ADAMTSL1: variants seen among roughly 807,000 people sequenced by gnomAD.
ADAMTSL1 encodes the protein ADAMTS like 1, also known as ADAMTS-like protein 1.
A neutral mutation model predicts 201.8 loss-of-function variants in ADAMTSL1; 126 were observed. That is an observed-to-expected ratio of 0.62 (90% CI 0.54 to 0.72). The LOEUF is 0.72. ADAMTSL1 is among the 30% of genes least tolerant of loss of function. The pLI is 0.00. For missense variants in ADAMTSL1, 2,679 were observed against 2,277.8 expected (o/e 1.18, Z -3.59); for synonymous variants, 1,121 against 903.4 (o/e 1.24, Z -4.32).
chr9:18,049,619 C>CTTT (rs61679017), intron 1 of ADAMTSL1, among the ~76,000 whole-genome samples: 5 of 143,732 alleles, frequency 3.5e-5, no homozygotes, highest in African/African-American at 2.6e-5. Context: ...ACTTCTTATT[C>CTTT]TTTTTTTTTT....
intron 1 of ADAMTSL1, among the ~76,000 whole-genome samples, chr9:17,964,437 C>T (rs1274148269): frequency 3.3e-5 from 5 of 152,024 alleles, no homozygotes; most frequent in Admixed American, 6.6e-5. Context: ...TAGTGGTAGC[C>T]AGGGGTTAGG....
At chr9:18,703,215 G>A (rs1439461098) in intron 13 of ADAMTSL1, among the ~76,000 whole-genome samples, 2 of 152,062 alleles carry the variant, frequency 1.3e-5, no homozygotes, top group Non-Finnish European at 2.9e-5. Context: ...TTCGAGATGA[G>A]ACTTCTAAAC....
chr9:18,844,335 G>A (rs568321472), intron 23 of ADAMTSL1, among the ~76,000 whole-genome samples: 71 of 152,318 alleles, frequency 4.7e-4, no homozygotes, highest in African/African-American at 1.6e-3. Context: ...CAGCAGCGGT[G>A]GCTGCAGAAC....
intron 23 of ADAMTSL1, among the ~76,000 whole-genome samples, chr9:18,847,485 A>G (rs991462298): frequency 1.3e-5 from 2 of 152,264 alleles, no homozygotes; most frequent in Admixed American, 1.3e-4. Context: ...ATCATATGGT[A>G]GAAGTAATAA....
intron 2 of ADAMTSL1, among the ~76,000 whole-genome samples, chr9:18,180,731 A>C (rs902038165): frequency 7.2e-5 from 11 of 152,136 alleles, no homozygotes; most frequent in African/African-American, 2.7e-4. Context: ...TACAGATTCA[A>C]TGCCATCCCC....
intron 5 of ADAMTSL1, among the ~76,000 whole-genome samples, chr9:18,630,562 T>C (rs1826693777): frequency 6.6e-6 from 1 of 152,180 alleles, no homozygotes; most frequent in Admixed American, 6.6e-5. Flanking sequence ...CTACAGGTCT[T>C]CATACTTCCA....
chr9:18,285,217 C>T lies in ADAMTSL1; in HGVS notation c.207+121236C>T, dbSNP rs149746411. 8.9e-4 allele frequency among the ~76,000 whole-genome samples: 135 copies of T among 152,228 alleles called. 1 individual carries two copies. The highest frequency in any genetic ancestry group is 3.2e-3 in the African/African-American group (131 of 41,542). ...CTTTGTACTACATATTTTATGATAT[C>T]ATATATGCCAATTTTATAGTAAGGA... On this transcript the variant is annotated intron_variant, in intron 2 of 29. Transcript: ENST00000680146.
chr9:18,347,905 C>T (rs1563903156), intron 2 of ADAMTSL1, among the ~76,000 whole-genome samples: 1 of 152,074 alleles, frequency 6.6e-6, no homozygotes, highest in Non-Finnish European at 1.5e-5. Flanking sequence ...GTGCCAAGGG[C>T]CTTGTGTTTC....
chr9:18,251,214 G>A (rs1478408136), intron 2 of ADAMTSL1, among the ~76,000 whole-genome samples: 1 of 152,150 alleles, frequency 6.6e-6, no homozygotes, highest in African/African-American at 2.4e-5. Context: ...ACAGAAAACA[G>A]ACTTGGAAGA....
At chr9:18,030,456 A>G (rs144098401) in intron 1 of ADAMTSL1, among the ~76,000 whole-genome samples, 2 of 152,136 alleles carry the variant, frequency 1.3e-5, no homozygotes, top group East Asian at 1.9e-4. Context: ...ATGTTAAATG[A>G]TGAGTTAATG....
chr9:18,067,826 G>T (rs1469116297), intron 1 of ADAMTSL1, among the ~76,000 whole-genome samples: 1 of 152,024 alleles, frequency 6.6e-6, no homozygotes, highest in Non-Finnish European at 1.5e-5. Flanking sequence ...AAGACTTAAG[G>T]GTGATTTAAT....
chr9:18,080,882 T>C (rs1209169864), intron 1 of ADAMTSL1, among the ~76,000 whole-genome samples: 2 of 152,192 alleles, frequency 1.3e-5, no homozygotes, highest in African/African-American at 4.8e-5. Flanking sequence ...AGAAAAAGCC[T>C]CTCATTATTT....
At chr9:18,753,809 A>G (rs183242611) in intron 16 of ADAMTSL1, among the ~76,000 whole-genome samples, 9 of 152,354 alleles carry the variant, frequency 5.9e-5, no homozygotes, top group South Asian at 4.1e-4. Flanking sequence ...TTTTAAAATC[A>G]AGACAATGTG....
intron 2 of ADAMTSL1, among the ~76,000 whole-genome samples, chr9:18,301,588 G>T (rs373751678): frequency 1.3e-5 from 2 of 152,180 alleles, no homozygotes; most frequent in African/African-American, 4.8e-5. Context: ...TATAATAAAA[G>T]TCATGTGAAT....
In ADAMTSL1 at chr9:18,622,230, T is replaced by G; in HGVS notation, c.475-13T>G. The stretch of plus-strand genomic sequence containing the variant: ...GGTGCTTGGTTGAATTACACATCTC[T>G]CTTTCTTGTTAGATTGTTGGCTGCG... On this transcript the variant is annotated splice_polypyrimidine_tract_variant and intron_variant, in intron 4 of 28. Transcript: ENST00000380548. 2 of 1,613,182 alleles carry G rather than the reference T, an allele frequency of 1.2e-6. No individual in the cohort carries two copies. Among genetic ancestry groups the G allele is most frequent in the Non-Finnish European group, 1.7e-6 (2 of 1,179,522 alleles).
chr9:18,775,116 C>G (rs1358527835), intron 17 of ADAMTSL1, among the ~76,000 whole-genome samples: 1 of 151,946 alleles, frequency 6.6e-6, no homozygotes, highest in Admixed American at 6.5e-5. Flanking sequence ...GTGGTTTTGA[C>G]TTATATTTCC....
In ADAMTSL1 at chr9:18,011,915, G is replaced by T. The variant is rs143317488; in HGVS notation, c.87+104993G>T. Among the ~76,000 whole-genome samples, 177 of 152,106 alleles carry T rather than the reference G, an allele frequency of 1.2e-3. 1 individual carries two copies. Among genetic ancestry groups the T allele is most frequent in the Middle Eastern group, 6.8e-3 (2 of 294 alleles). ...AGGGCAGCAATCGAAGAGAGTTGCCGGTATGGAGCTTTGGCAGAGTGTTCC... is the reference window on the plus strand; with the variant it reads ...AGGGCAGCAATCGAAGAGAGTTGCCTGTATGGAGCTTTGGCAGAGTGTTCC... On this transcript the variant is annotated intron_variant, in intron 1 of 29. Transcript: ENST00000680146.
intron 1 of ADAMTSL1, among the ~76,000 whole-genome samples, chr9:18,056,676 C>G (rs1462477905): frequency 6.6e-6 from 1 of 152,112 alleles, no homozygotes. Context: ...GGTAACTGGC[C>G]AAAAGAGGAA....
intron 2 of ADAMTSL1, among the ~76,000 whole-genome samples, chr9:18,361,715 C>T (rs1325778183): frequency 1.3e-5 from 2 of 152,256 alleles, no homozygotes; most frequent in East Asian, 1.9e-4. Context: ...GACTCTAGTG[C>T]TGGATTCAGA....
Sources: gnomAD v4.1 joint callset for allele counts (sites outside exome capture counted in the v4.1 genomes callset) on GRCh38, gnomAD v4.1.1 for gene constraint, MANE v1.5 for transcripts, NCBI Gene and HGNC (gene_info 2026-07-23, HGNC 2026-07-21) for gene names.